DMD: variants seen among roughly 807,000 people sequenced by gnomAD.
DMD encodes the protein mutant dystrophin.
A neutral mutation model predicts 330.1 loss-of-function variants in DMD; 63 were observed. The observed-to-expected ratio is 0.19, with a 90% confidence interval of 0.16 to 0.24. The LOEUF is 0.24. Ranked by LOEUF, DMD falls within the 10% of genes least tolerant of loss-of-function variation. The probability of loss-of-function intolerance (pLI) is 1.00; values close to 1 mark genes in which losing one functional copy is unlikely to be tolerated. For synonymous variants in DMD, 1,223 were observed against 959.8 expected, an observed-to-expected ratio of 1.27 and a Z score of -5.07; for missense variants, 3,344 against 2,684.1, an observed-to-expected ratio of 1.25 and a Z score of -5.43.
intron 33 of DMD, 34 bp from the exon 34 acceptor site, chrX:32,380,714 T>G (rs1190735762): frequency 3.5e-6 from 4 of 1,151,148 alleles, no homozygotes; most frequent in Non-Finnish European, 4.7e-6. Context: ...TAATTTAGTT[T>G]ACTCTTTAAT....
At chrX:32,620,793 A>G (rs1602230785) in intron 11 of DMD, among the ~76,000 whole-genome samples, 2 of 112,091 alleles carry the variant, frequency 1.8e-5, no homozygotes, top group Admixed American at 1.9e-4. Flanking sequence ...TACAAAAATA[A>G]TTAGAATATA....
At chrX:33,184,106 G>A (rs2050130423) in intron 1 of DMD, among the ~76,000 whole-genome samples, 1 of 111,707 alleles carries the variant, frequency 9.0e-6, no homozygotes, top group African/African-American at 3.3e-5. Flanking sequence ...TGATCCAGAA[G>A]GTTAATATGT....
At chrX:32,450,646 G>A (rs1043298419) in intron 26 of DMD, among the ~76,000 whole-genome samples, 1 of 110,439 alleles carries the variant, frequency 9.1e-6, no homozygotes, top group African/African-American at 3.3e-5. Context: ...GAGGTTCAGA[G>A]AGTTTAAGGA....
Position 31,169,548 on chromosome X carries a change from G to A in DMD, c.10448C>T (p.Ser3483Phe). The A allele has an allele frequency of 2.5e-6, 3 of 1,204,984 alleles. No homozygotes were observed. The highest frequency in any genetic ancestry group is 2.2e-5 in the Admixed American group (1 of 45,710). ...QHYCQSLNQD[S>F]PLSQPRSPAQ... ...AGGACTACGAGGCTGGCTCAGGGGG[G>A]AGTCCTGGTTCAAACTTTGGCAGTA... The change falls in exon 74 of 79, where the codon TCC becomes TTC. Residue 3483 changes from serine to phenylalanine, a missense_variant. By Grantham distance (155) the Ser-to-Phe change is radical. Coordinates refer to ENST00000357033, the MANE Select transcript of DMD (RefSeq NM_004006.3).
At chrX:31,266,731 G>A (rs1162082906) in intron 62 of DMD, 3 of 1,009,764 alleles carry the variant, frequency 3.0e-6, no homozygotes, top group Non-Finnish European at 4.1e-6. Flanking sequence ...AGTTTTGACC[G>A]CCTCAGCTTG....
In DMD at chrX:31,817,531, G is replaced by A. The variant is rs377590849; in HGVS notation, c.7309+2444C>T. Among the ~76,000 whole-genome samples, 8 of 109,598 alleles carry A rather than the reference G, an allele frequency of 7.3e-5. No homozygotes were observed. The East Asian group carries it at 1.1e-3, about 16-fold the overall frequency. ...TTGACTTAATGCTCAGATCTGTTTC[G>A]GTTTGCTAAAGAGGATGAAAAGCAC... On this transcript the variant is annotated intron_variant, in intron 50 of 78. Coordinates refer to ENST00000357033, the MANE Select transcript of DMD (RefSeq NM_004006.3).
chrX:33,049,776 C>T (rs1027871988), intron 1 of DMD, among the ~76,000 whole-genome samples: 2 of 111,052 alleles, frequency 1.8e-5, no homozygotes, highest in African/African-American at 3.3e-5. Flanking sequence ...AATATTAATA[C>T]GAAGCAATAG....
intron 47 of DMD, among the ~76,000 whole-genome samples, chrX:31,917,839 G>A (rs2094629678): frequency 8.9e-6 from 1 of 112,226 alleles, no homozygotes; most frequent in Non-Finnish European, 1.9e-5. Flanking sequence ...TTCTATCGCA[G>A]GGCACAGTCG....
At chrX:31,577,926 G>A (rs1319778160) in intron 55 of DMD, among the ~76,000 whole-genome samples, 1 of 110,770 alleles carries the variant, frequency 9.0e-6, no homozygotes, top group Non-Finnish European at 1.9e-5. Context: ...AAAATTAAAT[G>A]TTCTACCTAA....
chrX:32,454,535 TAAA>T, intron 26 of DMD, 124 bp downstream of exon 26: 1 of 526,442 alleles, frequency 1.9e-6, no homozygotes, highest in Admixed American at 4.1e-5. Flanking sequence ...AATTATTAAT[TAAA>T]AATCAACCTC....
Position 32,120,284 on chromosome X carries a change from C to T in DMD, c.6438+96632G>A, listed in dbSNP as rs897583004. ...TTCACAGCATGATCAAGGCCAGCAG[C>T]ATCAGCATCACCTGGTAACTTGCTA... On this transcript the variant is annotated intron_variant, in intron 44 of 78. Transcript: ENST00000357033. 4.5e-5 allele frequency among the ~76,000 whole-genome samples: 5 copies of T among 112,060 alleles called. No individual in the cohort carries two copies. The Admixed American group carries it at 4.7e-4, about 11-fold the overall frequency.
At chrX:32,978,285 C>T (rs1398126071) in intron 2 of DMD, among the ~76,000 whole-genome samples, 2 of 111,580 alleles carry the variant, frequency 1.8e-5, no homozygotes, top group Non-Finnish European at 3.8e-5. Flanking sequence ...ATATACCTCA[C>T]CCTTTGCTAT....
chrX:33,070,221 T>G (rs1261810335), intron 1 of DMD, among the ~76,000 whole-genome samples: 6 of 111,879 alleles, frequency 5.4e-5, no homozygotes, highest in African/African-American at 1.6e-4. Context: ...AAGTGTATTT[T>G]TTTACGTAGT....
At chrX:32,060,333 A>C (rs1474113938) in intron 44 of DMD, among the ~76,000 whole-genome samples, 1 of 111,519 alleles carries the variant, frequency 9.0e-6, no homozygotes, top group Non-Finnish European at 1.9e-5. Context: ...CTAGAAAAAA[A>C]CTGCTGAATG....
intron 30 of DMD, among the ~76,000 whole-genome samples, chrX:32,408,882 A>ATCTT (rs1344894617): frequency 9.5e-6 from 1 of 105,744 alleles, no homozygotes; most frequent in African/African-American, 3.4e-5. Flanking sequence ...CTATCTATCT[A>ATCTT]TCTATCTATC....
At chrX:33,034,394 T>C (rs2094170891) in intron 1 of DMD, among the ~76,000 whole-genome samples, 1 of 111,423 alleles carries the variant, frequency 9.0e-6, no homozygotes, top group South Asian at 3.8e-4. Context: ...CCTATCTGGG[T>C]TCGAAAGGTA....
At chrX:33,180,786 A>C (rs2049954770) in intron 1 of DMD, among the ~76,000 whole-genome samples, 1 of 110,048 alleles carries the variant, frequency 9.1e-6, no homozygotes, top group Non-Finnish European at 1.9e-5. Flanking sequence ...ATTGAGGTAC[A>C]ATGATATAAG....
chrX:31,260,353 G>T lies in DMD; in HGVS notation c.9286+602C>A, dbSNP rs769823898. Among the ~76,000 whole-genome samples the T allele has an allele frequency of 3.6e-5, 4 of 112,142 alleles. No individual in the cohort carries two copies. The South Asian group carries it at 1.5e-3, about 42-fold the overall frequency. On this transcript the variant is annotated intron_variant, in intron 63 of 78. Coordinates refer to ENST00000357033, the MANE Select transcript of DMD (RefSeq NM_004006.3). ...GACATTTGTCCAGTGTAAAAAGACT[G>T]GTGTTTTCAAACCCTTATTTGTATG...
chrX:33,241,088 GT>G (rs991209361), intron 1 of DMD, among the ~76,000 whole-genome samples: 22 of 111,203 alleles, frequency 2.0e-4, no homozygotes, highest in African/African-American at 7.2e-4. Context: ...TCTATATTTG[GT>G]TTTGTTTCCT....
Sources: allele counts gnomAD v4.1 joint callset (sites outside exome capture counted in the v4.1 genomes callset), GRCh38; gene constraint gnomAD v4.1.1; transcripts MANE v1.5; gene names NCBI Gene and HGNC (gene_info 2026-07-23, HGNC 2026-07-21).